The following C16orf74 variants were observed in gnomAD, a reference collection of about 807,000 sequenced individuals.
C16orf74 encodes the protein uncharacterized protein C16orf74.
In C16orf74, 10 loss-of-function variants were observed where a neutral mutation model predicts 6.5. That is an observed-to-expected ratio of 1.54 (90% CI 0.95 to 2.61). C16orf74 has a LOEUF of 2.61. C16orf74 is among the 30% of genes most tolerant of loss of function. The pLI, the probability that C16orf74 is intolerant of heterozygous loss-of-function variation, is 0.00. For synonymous variants in C16orf74, 60 were observed against 42.5 expected (o/e 1.41, Z -1.60); for missense variants, 141 against 105.9 (o/e 1.33, Z -1.45).
chr16:85,728,349 C>A (rs1418909287), intron 2 of C16orf74, among the ~76,000 whole-genome samples: 6 of 152,094 alleles, frequency 3.9e-5, no homozygotes, highest in Admixed American at 3.3e-4. Context: ...AAAATAAAGT[C>A]TAATTAAAAA....
At chr16:85,716,328 TG>T (rs1455725377) in intron 2 of C16orf74, among the ~76,000 whole-genome samples, 1 of 44,988 alleles carries the variant, frequency 2.2e-5, no homozygotes, top group African/African-American at 9.2e-5. Context: ...AGGAGTAAGT[TG>T]GGGGAGAAGA....
chr16:85,725,074 GA>G (rs2054120093), intron 2 of C16orf74, among the ~76,000 whole-genome samples: 1 of 151,110 alleles, frequency 6.6e-6, no homozygotes, highest in African/African-American at 2.4e-5. Flanking sequence ...ATGGGGGGGG[GA>G]CCGGCTAAGT....
At chr16:85,714,264 T>A (rs1247332389) in intron 2 of C16orf74, among the ~76,000 whole-genome samples, 1 of 151,252 alleles carries the variant, frequency 6.6e-6, no homozygotes, top group African/African-American at 2.4e-5. Context: ...GCCACTCACT[T>A]CCCTCCCCTC....
At chr16:85,717,778 G>A (rs148131153) in intron 2 of C16orf74, among the ~76,000 whole-genome samples, 67 of 152,370 alleles carry the variant, frequency 4.4e-4, no homozygotes, top group Non-Finnish European at 7.3e-4. Flanking sequence ...GAGGTAACGT[G>A]CTGGTAATAC....
intron 1 of C16orf74, among the ~76,000 whole-genome samples, chr16:85,746,980 C>A (rs144874247): frequency 2.0e-3 from 300 of 152,294 alleles, no homozygotes; most frequent in African/African-American, 6.9e-3. Flanking sequence ...GACAGTGAGT[C>A]CCTCTCTGAG....
chr16:85,707,927 T>C lies in C16orf74; in HGVS notation c.*81A>G. 2 of 1,267,684 alleles carry C rather than the reference T, an allele frequency of 1.6e-6. No individual in the cohort carries two copies. The highest frequency in any genetic ancestry group is 2.6e-5 in the South Asian group (2 of 77,596). 78.5% of individuals were successfully genotyped at this position (1,267,684 alleles called of 1,614,324 possible). ...TCCCATCCAGGGTATTCAGCACACC[T>C]GCTCCAGGCAGCCACGCCCCCGGAC... On this transcript the variant is annotated 3_prime_UTR_variant, in exon 4 of 4. Coordinates refer to ENST00000284245, the MANE Select transcript of C16orf74 (RefSeq NM_206967.3).
At chr16:85,742,784 G>A (rs552680570) in intron 1 of C16orf74, among the ~76,000 whole-genome samples, 4 of 152,178 alleles carry the variant, frequency 2.6e-5, no homozygotes, top group South Asian at 2.1e-4. Context: ...CAGGTGATCC[G>A]CCTGCCTCAG....
intron 2 of C16orf74, among the ~76,000 whole-genome samples, chr16:85,723,715 G>C (rs1172614012): frequency 6.6e-6 from 1 of 152,256 alleles, no homozygotes; most frequent in Non-Finnish European, 1.5e-5. Flanking sequence ...GGCCGGATTT[G>C]GGTTCGAGGG....
At chr16:85,713,160 G>C (rs2053986797) in intron 2 of C16orf74, among the ~76,000 whole-genome samples, 1 of 152,194 alleles carries the variant, frequency 6.6e-6, no homozygotes. Context: ...CCCCTCCCCT[G>C]GCTTCTGGTG....
chr16:85,743,689 C>T (rs1400857231), intron 1 of C16orf74: 3 of 152,066 alleles, frequency 2.0e-5, no homozygotes, highest in African/African-American at 4.8e-5. Context: ...GAGGCTGAGG[C>T]GAGCAGATCA....
At chr16:85,721,988 T>C (rs2054087978) in intron 2 of C16orf74, among the ~76,000 whole-genome samples, 1 of 150,310 alleles carries the variant, frequency 6.7e-6, no homozygotes, top group African/African-American at 2.4e-5. Flanking sequence ...CTTTTTTTTT[T>C]TTTTTTTTTT....
intron 2 of C16orf74, among the ~76,000 whole-genome samples, chr16:85,732,696 T>C (rs2054203056): frequency 1.4e-5 from 2 of 138,370 alleles, no homozygotes; most frequent in South Asian, 4.9e-4. Context: ...AAAAGAGTTC[T>C]GGCCCCCTAA....
rs4843609 is a variant in C16orf74, at chr16:85,721,873, T to A, written c.29-11566A>T. Among the ~76,000 whole-genome samples, 808 of 152,018 alleles carry A rather than the reference T, an allele frequency of 5.3e-3. 6 individuals are homozygous for A. The highest frequency in any genetic ancestry group is 0.014 in the Middle Eastern group (4 of 290). ...AGTCTGCCCTTGACCTGCTGTGTGG[T>A]CTGAACAAGTTTCTTACCCTCTCTG... On this transcript the variant is annotated intron_variant, in intron 2 of 3. Coordinates refer to ENST00000284245, the MANE Select transcript of C16orf74 (RefSeq NM_206967.3).
chr16:85,739,952 G>A (rs533333968), intron 1 of C16orf74, among the ~76,000 whole-genome samples: 147 of 152,218 alleles, frequency 9.7e-4, no homozygotes, highest in Middle Eastern at 3.4e-3. Flanking sequence ...GCTCATGCCT[G>A]TAATCCCAGC....
At chr16:85,733,298 C>A (rs1657105139) in intron 2 of C16orf74, among the ~76,000 whole-genome samples, 1 of 152,312 alleles carries the variant, frequency 6.6e-6, no homozygotes. Flanking sequence ...GGAGACCAGA[C>A]ACAAAAGGAC....
chr16:85,707,855 G>A lies in C16orf74; in HGVS notation c.*153C>T, dbSNP rs527880364. 109 of 640,268 alleles carry A rather than the reference G, an allele frequency of 1.7e-4. No individual in the cohort carries two copies. The highest frequency in any genetic ancestry group is 1.3e-3 in the South Asian group (68 of 53,358). The allele number at this position is 640,268 out of a possible 1,614,324, so 39.7% of individuals were successfully genotyped here. A position where few individuals can be genotyped will look rare whatever the true frequency, so the allele number is the denominator to read the frequency against. On this transcript the variant is annotated 3_prime_UTR_variant, in exon 4 of 4. Coordinates refer to ENST00000284245, the MANE Select transcript of C16orf74 (RefSeq NM_206967.3). Reference sequence around the variant, plus strand: ...TGGAAGTGGACAGGCTGGATTCCTCGCTGGTCCTGCCACGTCTCTCTGAGC... The same window carrying A: ...TGGAAGTGGACAGGCTGGATTCCTCACTGGTCCTGCCACGTCTCTCTGAGC...
At chr16:85,717,970 G>C (rs981534306) in intron 2 of C16orf74, among the ~76,000 whole-genome samples, 4 of 152,230 alleles carry the variant, frequency 2.6e-5, no homozygotes, top group African/African-American at 9.7e-5. Flanking sequence ...ACCATTCCCT[G>C]TGCCAGCTCT....
chr16:85,710,288 G>A lies in C16orf74; in HGVS notation c.48C>T (p.Ser16=), dbSNP rs758202202. 1.3e-6 allele frequency: 2 copies of A among 1,511,792 alleles called. No individual in the cohort carries two copies. Among genetic ancestry groups the A allele is most frequent in the Admixed American group, 2.4e-5 (1 of 41,976 alleles). The allele number at this position is 1,511,792 out of a possible 1,614,324, so 93.6% of individuals were successfully genotyped here. A position where few individuals can be genotyped will look rare whatever the true frequency, so the allele number is the denominator to read the frequency against. Reference sequence around the variant, plus strand: ...CCTCGTCGTGGCTGCTGCTGCTGCTGCTGACACACATTTGAAAGCCTGAGA... The same window carrying A: ...CCTCGTCGTGGCTGCTGCTGCTGCTACTGACACACATTTGAAAGCCTGAGA... The part of the protein sequence containing the change: ...SCLKGFQMCV[S]SSSSSHDEAP... The change falls in exon 3 of 4, where the codon AGC becomes AGT. Residue 16 remains serine (S), a synonymous_variant. Coordinates refer to ENST00000284245, the MANE Select transcript of C16orf74 (RefSeq NM_206967.3).
At chr16:85,744,540 C>T (rs1461376804) in intron 1 of C16orf74, among the ~76,000 whole-genome samples, 2 of 152,248 alleles carry the variant, frequency 1.3e-5, no homozygotes, top group East Asian at 3.9e-4. Flanking sequence ...TAAAAATCTC[C>T]CTGTCAGCAG....
Sources: allele counts gnomAD v4.1 joint callset (sites outside exome capture counted in the v4.1 genomes callset), GRCh38; gene constraint gnomAD v4.1.1; transcripts MANE v1.5; gene names NCBI Gene and HGNC (gene_info 2026-07-23, HGNC 2026-07-21).